Variants in STRA6 observed in about 807,000 individuals in gnomAD.
STRA6 encodes the protein receptor for retinol uptake STRA6.
In STRA6, 48 loss-of-function variants were observed where a neutral mutation model predicts 83.6. The observed-to-expected ratio is 0.57, with a 90% CI of 0.46 to 0.73. STRA6 has a LOEUF of 0.73. Ranked by LOEUF, STRA6 falls within the 30% of genes least tolerant of loss-of-function variation. STRA6 has a pLI of 0.00. For missense variants in STRA6, 760 were observed against 838.8 expected (o/e 0.91, Z 1.16); for synonymous variants, 353 against 362.3 (o/e 0.97, Z 0.29).
Position 74,183,298 on chromosome 15 carries a change from C to T in STRA6, c.1300+558G>A, listed in dbSNP as rs184107206. 23 of 190,452 alleles carry T rather than the reference C, an allele frequency of 1.2e-4. 1 individual carries two copies. In the South Asian group the frequency reaches 1.5e-3, roughly 12 times the overall value. 11.8% of individuals were successfully genotyped at this position (190,452 alleles called of 1,614,324 possible). On this transcript the variant is annotated intron_variant, in intron 14 of 18. Coordinates refer to ENST00000395105, the MANE Select transcript of STRA6 (RefSeq NM_022369.4). ...GACACAGCCCTTTCTTAAGCTGGAGCGCAGTGGTGCAATCTCGGCTCACTG... is the reference window on the plus strand; with the variant it reads ...GACACAGCCCTTTCTTAAGCTGGAGTGCAGTGGTGCAATCTCGGCTCACTG...
intron 5 of STRA6, 81 bp downstream of exon 5, chr15:74,195,927 T>G (rs2073792089): frequency 6.3e-7 from 1 of 1,591,082 alleles, no homozygotes; most frequent in African/African-American, 1.3e-5. Context: ...TCTCATCTCC[T>G]TGAGCCAAGC....
At chr15:74,197,683 G>A in intron 3 of STRA6, 69 bp downstream of exon 3, 1 of 1,585,814 alleles carries the variant, frequency 6.3e-7, no homozygotes, top group Non-Finnish European at 8.6e-7. Context: ...AGCCCCAGTG[G>A]GGAACACAGG....
At chr15:74,207,675 G>A (rs1292713965), upstream of STRA6, 1 of 1,532,274 alleles carries the variant, frequency 6.5e-7, no homozygotes, top group Admixed American at 2.0e-5. Context: ...TCCAGGAGTG[G>A]GGGGATGGCC....
intron 14 of STRA6, among the ~76,000 whole-genome samples, chr15:74,183,043 C>A (rs140031206): frequency 1.3e-3 from 199 of 152,306 alleles, no homozygotes; most frequent in African/African-American, 4.7e-3. Context: ...AGATACAAGG[C>A]CCTTGGATGT....
intron 18 of STRA6, 112 bp downstream of exon 18, chr15:74,180,670 G>A (rs1023071818): frequency 1.4e-6 from 2 of 1,460,822 alleles, no homozygotes; most frequent in Admixed American, 2.3e-5. Context: ...CCAAGGAAGA[G>A]AGGAAGTGAG....
chr15:74,197,679 A>C, intron 3 of STRA6, 73 bp downstream of exon 3: 1 of 1,572,278 alleles, frequency 6.4e-7, no homozygotes, highest in Non-Finnish European at 8.7e-7. Context: ...CACCAGCCCC[A>C]GTGGGGAACA....
intron 12 of STRA6, among the ~76,000 whole-genome samples, chr15:74,185,520 T>C (rs2073202667): frequency 6.6e-6 from 1 of 152,206 alleles, no homozygotes; most frequent in Non-Finnish European, 1.5e-5. Context: ...ACTAATGGTC[T>C]TCGTTCAGGG....
intron 2 of STRA6, among the ~76,000 whole-genome samples, chr15:74,201,714 C>A (rs1028973129): frequency 1.3e-5 from 2 of 152,198 alleles, no homozygotes; most frequent in African/African-American, 4.8e-5. Flanking sequence ...CCCCGAATCC[C>A]CCAGCCTGCC....
At chr15:74,202,870 A>C, upstream of STRA6, 4 of 1,020,732 alleles carry the variant, frequency 3.9e-6, no homozygotes, top group Non-Finnish European at 4.7e-6. Flanking sequence ...GGCCTCGGTG[A>C]TGGAAATACA....
intron 16 of STRA6, among the ~76,000 whole-genome samples, 171 bp downstream of exon 16, chr15:74,181,990 G>A (rs1330835966): frequency 1.3e-5 from 2 of 152,224 alleles, no homozygotes; most frequent in African/African-American, 4.8e-5. Flanking sequence ...TTTGGAGTGG[G>A]CTGAGCCATT....
upstream of STRA6, chr15:74,203,070 C>T: frequency 1.0e-6 from 1 of 985,668 alleles, no homozygotes; most frequent in Non-Finnish European, 1.2e-6. Flanking sequence ...CGCACACAGA[C>T]AGGAGACCAG....
chr15:74,211,917 C>A (rs1375342681), upstream of STRA6, among the ~76,000 whole-genome samples: 1 of 152,144 alleles, frequency 6.6e-6, no homozygotes, highest in African/African-American at 2.4e-5. Context: ...ATCACTCTCT[C>A]TGTTGTTTCC....
rs749139729 is a variant in STRA6, at chr15:74,190,903, T to C, written c.866-2A>G. On this transcript the variant is annotated splice_acceptor_variant, in intron 10 of 18. Coordinates refer to ENST00000395105, the MANE Select transcript of STRA6 (RefSeq NM_022369.4). LOFTEE classifies it high-confidence loss of function. ...CCAGCTTCAGCGGGAGATGGAATCC[T>C]GTAGTCCTCAAAGGAAGGAGTATGG... 1.9e-6 allele frequency: 3 copies of C among 1,614,150 alleles called. No individual in the cohort carries two copies. Among genetic ancestry groups the C allele is most frequent in the African/African-American group, 1.3e-5 (1 of 75,038 alleles).
intron 3 of STRA6, 110 bp downstream of exon 3, chr15:74,197,642 C>T (rs780243523): frequency 8.4e-6 from 12 of 1,425,280 alleles, no homozygotes; most frequent in South Asian, 2.4e-5. Context: ...TAGCTCCCCC[C>T]ACCCAGGATC....
rs2073393455 is a variant in STRA6 at position 74,188,986 on chromosome 15, G to A, written c.1090+129C>T. 5 of 1,161,550 alleles carry A rather than the reference G, an allele frequency of 4.3e-6. No homozygotes were observed. Among genetic ancestry groups the A allele is most frequent in the South Asian group, 1.4e-5 (1 of 71,866 alleles). 72.0% of individuals were successfully genotyped at this position (1,161,550 alleles called of 1,614,324 possible). A position where few individuals can be genotyped will look rare whatever the true frequency, so the allele number is the denominator to read the frequency against. On this transcript the variant is annotated intron_variant, in intron 12 of 18. Transcript: ENST00000395105. The surrounding 1 kb of genome is among the most constrained non-coding windows in gnomAD (Gnocchi z 4.5). ...GCCACAATTTGGAGATGAGGCAATCGAGACCCAGAGAGAGGAAGGAATGTG... is the reference window on the plus strand; with the variant it reads ...GCCACAATTTGGAGATGAGGCAATCAAGACCCAGAGAGAGGAAGGAATGTG...
At chr15:74,193,734 C>T (rs768206832) in intron 8 of STRA6, 66 bp downstream of exon 8, 12 of 1,605,478 alleles carry the variant, frequency 7.5e-6, no homozygotes, top group Non-Finnish European at 1.0e-5. Context: ...TCTGGGACCA[C>T]AGATACGGGG....
At chr15:74,210,706 T>G (rs2074353875), upstream of STRA6, among the ~76,000 whole-genome samples, 4 of 152,238 alleles carry the variant, frequency 2.6e-5, no homozygotes, top group Admixed American at 2.6e-4. Flanking sequence ...CTGTGTGAAT[T>G]TGATTCCGTC....
intron 14 of STRA6, chr15:74,183,577 A>G (rs1464397199): frequency 3.9e-6 from 5 of 1,294,038 alleles, no homozygotes; most frequent in Admixed American, 6.5e-5. Flanking sequence ...ACACCTCCAG[A>G]CCTGGGTCCA....
In STRA6 at chr15:74,189,665, T is replaced by C. The variant is rs542360708; in HGVS notation, c.928-388A>G. On this transcript the variant is annotated intron_variant, in intron 11 of 18. Transcript: ENST00000395105. ...AAAATAATACAGTAGGACAACTTCTTCTTTTTTTTTTTTTTTTGAGATGGA... is the reference window on the plus strand; with the variant it reads ...AAAATAATACAGTAGGACAACTTCTCCTTTTTTTTTTTTTTTTGAGATGGA... 5.9e-4 allele frequency among the ~76,000 whole-genome samples: 89 copies of C among 150,974 alleles called. 1 individual carries two copies. Among genetic ancestry groups the C allele is most frequent in the Non-Finnish European group, 1.1e-3 (73 of 67,724 alleles).
Sources: allele counts gnomAD v4.1 joint callset (sites outside exome capture counted in the v4.1 genomes callset), GRCh38; gene constraint gnomAD v4.1.1; non-coding constraint Gnocchi (gnomAD v3.1); transcripts MANE v1.5; gene names NCBI Gene and HGNC (gene_info 2026-07-23, HGNC 2026-07-21).